The following KMO variants were observed in gnomAD, a reference collection of about 807,000 sequenced individuals.
The protein encoded by KMO is kynurenine 3-hydroxylase.
In KMO, 24 loss-of-function variants were observed where a neutral mutation model predicts 57.8. The ratio of observed to expected loss-of-function variants is 0.42; its 90% CI spans 0.30 to 0.58. The LOEUF (loss-of-function observed/expected upper bound fraction) is 0.58, where lower values mean the gene tolerates loss of function less well. Ranked by LOEUF, KMO falls within the 20% of genes least tolerant of loss-of-function variation. KMO has a pLI of 0.22. For missense variants in KMO, 483 were observed against 588.2 expected (o/e 0.82, Z 1.85); for synonymous variants, 210 against 193.6 (o/e 1.08, Z -0.70).
At position 241,588,814 on chromosome 1, in the gene KMO, T is replaced by C; in HGVS notation, c.1082T>C (p.Met361Thr). 1.2e-6 allele frequency: 2 copies of C among 1,612,660 alleles called. No homozygotes were observed. The highest frequency in any genetic ancestry group is 1.7e-6 in the Non-Finnish European group (2 of 1,178,864). ...GATCACGCGATTTCAGACCTATCCA[T>C]GTACAATTACATAGAGGTGAGTGAG... ...PDDHAISDLS[M>T]YNYIEMRAHV... Residue 361 changes from methionine to threonine, a missense_variant, in exon 12 of 15, where the codon ATG (methionine) becomes ACG (threonine). Coordinates refer to ENST00000366559, the MANE Select transcript of KMO (RefSeq NM_003679.5).
At position 241,586,823 on chromosome 1, in the gene KMO, C is replaced by T. The variant is rs140772933; in HGVS notation, c.1015+87C>T. On this transcript the variant is annotated intron_variant, in intron 11 of 14. Transcript: ENST00000366559. ...TTTCTGATCCTCAATGATCACAAAC[C>T]TGTGATGTATAATGTATATTATCTC... 32 of 908,204 alleles carry T rather than the reference C, an allele frequency of 3.5e-5. No homozygotes were observed. In the African/African-American group the frequency reaches 4.0e-4, roughly 11 times the overall value. The allele number at this position is 908,204 out of a possible 1,614,324, so 56.3% of individuals were successfully genotyped here.
At chr1:241,581,951 G>A (rs539851350) in intron 10 of KMO, among the ~76,000 whole-genome samples, 53 of 151,982 alleles carry the variant, frequency 3.5e-4, no homozygotes, top group Non-Finnish European at 6.5e-4. Context: ...CTTGTAAGAC[G>A]GATCTGGTGT....
At chr1:241,562,132 T>C in intron 6 of KMO, 35 bp from the exon 7 acceptor site, 1 of 1,594,110 alleles carries the variant, frequency 6.3e-7, no homozygotes, top group Non-Finnish European at 8.6e-7. Context: ...CCACTAGACA[T>C]ATTTTTCTTT....
intron 4 of KMO, among the ~76,000 whole-genome samples, chr1:241,552,931 C>G (rs1164156459): frequency 2.0e-5 from 3 of 152,182 alleles, no homozygotes; most frequent in Non-Finnish European, 4.4e-5. Flanking sequence ...GTCAGAGCTC[C>G]TCAGTTCTTA....
chr1:241,544,806 T>C lies in KMO; in HGVS notation c.55-4023T>C, dbSNP rs186444656. Among the ~76,000 whole-genome samples the C allele has an allele frequency of 7.1e-4, 108 of 152,256 alleles. No individual in the cohort carries two copies. In the Middle Eastern group the frequency reaches 0.01, roughly 14 times the overall value. On this transcript the variant is annotated intron_variant, in intron 1 of 14. Transcript: ENST00000366559. ...GATAAAATTATATGACTTAAACACA[T>C]AATTATTTTTAAAGTATATGTAGAT...
Position 241,592,755 on chromosome 1 carries a change from C to CATCTATCT in KMO, c.*639_*646dup, listed in dbSNP as rs3034552. 0.13 allele frequency: 18,371 copies of CATCTATCT among 137,404 alleles called. 1,182 individuals carry two copies. Among genetic ancestry groups the CATCTATCT allele is most frequent in the East Asian group, 0.17 (721 of 4,364 alleles). The allele number at this position is 137,404 out of a possible 1,614,324, so 8.5% of individuals were successfully genotyped here. On this transcript the variant is annotated 3_prime_UTR_variant, in exon 15 of 15. Transcript: ENST00000366559. ...ATCTATCATCTATCTATCTATCTAT[C>CATCTATCT]ATCTATCTATCTATCTATCTATCTA... is the stretch of plus-strand genomic sequence containing the variant.
At chr1:241,578,858 AT>A (rs1382851968) in intron 10 of KMO, among the ~76,000 whole-genome samples, 1 of 152,144 alleles carries the variant, frequency 6.6e-6, no homozygotes, top group Admixed American at 6.5e-5. Flanking sequence ...AGGCCTCACA[AT>A]TATGGTGGAA....
chr1:241,591,365 C>G (rs754209923), intron 14 of KMO, among the ~76,000 whole-genome samples: 2 of 151,786 alleles, frequency 1.3e-5, no homozygotes, highest in Non-Finnish European at 1.5e-5. Flanking sequence ...TGCTAAGCTA[C>G]TGTCCAATCT....
At chr1:241,587,144 G>C (rs942226976) in intron 11 of KMO, among the ~76,000 whole-genome samples, 1 of 152,158 alleles carries the variant, frequency 6.6e-6, no homozygotes. Context: ...GGGGTGGGGG[G>C]AGATGGTTTC....
chr1:241,549,256 A>AGTAG (rs369081687), intron 2 of KMO, among the ~76,000 whole-genome samples: 4 of 114,806 alleles, frequency 3.5e-5, no homozygotes, highest in South Asian at 2.9e-4. Context: ...AAAGAAAGAA[A>AGTAG]GAAAGAAAGA....
intron 5 of KMO, among the ~76,000 whole-genome samples, chr1:241,556,608 G>A (rs1661633974): frequency 6.6e-6 from 1 of 152,214 alleles, no homozygotes; most frequent in South Asian, 2.1e-4. Flanking sequence ...GGCCAGGCGT[G>A]GTGGCTCACG....
At chr1:241,586,614 CAAT>C in intron 10 of KMO, 62 bp from the exon 11 acceptor site, 1 of 1,064,966 alleles carries the variant, frequency 9.4e-7, no homozygotes, top group Non-Finnish European at 1.4e-6. Flanking sequence ...TATTCAAAAT[CAAT>C]AATAAGGGTT....
chr1:241,560,801 A>G (rs1350092580), intron 6 of KMO, 49 bp downstream of exon 6: 7 of 1,213,146 alleles, frequency 5.8e-6, no homozygotes, highest in Admixed American at 1.7e-5. Context: ...CTGGGAGTGG[A>G]GAATTGTATC....
At chr1:241,575,710 T>C (rs1662489464) in intron 10 of KMO, among the ~76,000 whole-genome samples, 1 of 152,112 alleles carries the variant, frequency 6.6e-6, no homozygotes, top group Admixed American at 6.5e-5. Flanking sequence ...TCTTGAAGAA[T>C]GTTCCATGTG....
At chr1:241,584,219 A>G (rs1361090331) in intron 10 of KMO, among the ~76,000 whole-genome samples, 1 of 151,868 alleles carries the variant, frequency 6.6e-6, no homozygotes, top group Non-Finnish European at 1.5e-5. Flanking sequence ...TATGAGTGAG[A>G]ACATGAGGTG....
intron 1 of KMO, among the ~76,000 whole-genome samples, chr1:241,539,148 C>G (rs1180481945): frequency 1.3e-5 from 2 of 151,994 alleles, no homozygotes; most frequent in Non-Finnish European, 2.9e-5. Context: ...TTTGGGAGTC[C>G]GAGGTGGGTG....
intron 11 of KMO, among the ~76,000 whole-genome samples, chr1:241,588,329 C>CTTTTTTTTTTT (rs57587351): frequency 2.3e-3 from 230 of 98,396 alleles, no homozygotes; most frequent in Middle Eastern, 9.3e-3. Flanking sequence ...TCTTTTTTTT[C>CTTTTTTTTTTT]TTTTTTTTTT....
intron 1 of KMO, among the ~76,000 whole-genome samples, chr1:241,544,550 A>G (rs1661076054): frequency 1.3e-5 from 2 of 152,212 alleles, no homozygotes; most frequent in Admixed American, 1.3e-4. Flanking sequence ...TTGATGAAGG[A>G]GTATCAAGAT....
At chr1:241,576,399 C>T (rs1341728377) in intron 10 of KMO, among the ~76,000 whole-genome samples, 1 of 152,028 alleles carries the variant, frequency 6.6e-6, no homozygotes, top group African/African-American at 2.4e-5. Flanking sequence ...TTGTGCATAT[C>T]AACCTTTTGT....
Sources: gnomAD v4.1 joint callset for allele counts (sites outside exome capture counted in the v4.1 genomes callset) on GRCh38, gnomAD v4.1.1 for gene constraint, MANE v1.5 for transcripts, NCBI Gene and HGNC (gene_info 2026-07-23, HGNC 2026-07-21) for gene names.